The following ZNF560 variants were observed in gnomAD, a reference collection of about 807,000 sequenced individuals.
The protein encoded by ZNF560 is zinc finger protein 560.
A neutral mutation model predicts 81.8 loss-of-function variants in ZNF560; 54 were observed. That is an observed-to-expected ratio of 0.66 (90% CI 0.53 to 0.83). The LOEUF is 0.83. Among genes scored for constraint, ZNF560 ranks in the 40% least tolerant of loss-of-function variants. The pLI, the probability that ZNF560 is intolerant of heterozygous loss-of-function variation, is 0.00. For synonymous variants in ZNF560, 321 were observed against 317.9 expected (o/e 1.01, Z -0.10); for missense variants, 940 against 932.4 (o/e 1.01, Z -0.11).
Position 9,467,321 on chromosome 19 carries a change from T to C in ZNF560, c.1626A>G (p.Arg542=), listed in dbSNP as rs1363819177. 1 of 1,614,080 alleles carries C rather than the reference T, an allele frequency of 6.2e-7. No homozygotes were observed. Among genetic ancestry groups the C allele is most frequent in the South Asian group, 1.1e-5 (1 of 91,078 alleles). The change falls in exon 10 of 10, where the codon AGA becomes AGG. Residue 542 remains arginine, a synonymous_variant. Transcript: ENST00000301480. ...RIHMRTHTEE[R]LYQCKKCGKA... ...TACCACATTTCTTACATTGATAGAG[T>C]CTCTCTTCTGTGTGAGTTCGCATGT...
chr19:9,472,577 T>C (rs1389536572), intron 5 of ZNF560, among the ~76,000 whole-genome samples: 1 of 152,192 alleles, frequency 6.6e-6, no homozygotes, highest in African/African-American at 2.4e-5. Flanking sequence ...TGATGATCTG[T>C]CACTGTCTCC....
chr19:9,497,402 G>A (rs1351157900), intron 2 of ZNF560, among the ~76,000 whole-genome samples: 1 of 151,546 alleles, frequency 6.6e-6, no homozygotes, highest in Non-Finnish European at 1.5e-5. Flanking sequence ...GGGCACGGTG[G>A]CACACCCCTG....
intron 2 of ZNF560, among the ~76,000 whole-genome samples, chr19:9,487,213 C>G (rs1360337563): frequency 6.6e-6 from 1 of 152,194 alleles, no homozygotes; most frequent in African/African-American, 2.4e-5. Context: ...CTGCGAGGAC[C>G]ACCCTTTCTG....
intron 2 of ZNF560, among the ~76,000 whole-genome samples, chr19:9,476,400 C>T (rs1356616797): frequency 6.6e-6 from 1 of 152,104 alleles, no homozygotes; most frequent in African/African-American, 2.4e-5. Context: ...TCAAGCAATT[C>T]TCTTGCCTCA....
chr19:9,494,863 C>A (rs1301603863), intron 2 of ZNF560, among the ~76,000 whole-genome samples: 3 of 152,080 alleles, frequency 2.0e-5, no homozygotes, highest in Non-Finnish European at 2.9e-5. Flanking sequence ...GCCAAGGTCA[C>A]ACCACTGCAC....
the ZNF560 span, among the ~76,000 whole-genome samples, chr19:9,458,140 G>A: frequency 1.3e-5 from 2 of 152,158 alleles, no homozygotes; most frequent in African/African-American, 4.8e-5. Flanking sequence ...ACACGGATAT[G>A]ATCCTGGAAA....
chr19:9,481,938 G>A lies in ZNF560; in HGVS notation c.-56-6569C>T, dbSNP rs570685406. Among the ~76,000 whole-genome samples the A allele has an allele frequency of 2.6e-5, 4 of 152,266 alleles. No individual in the cohort carries two copies. The East Asian group carries it at 7.7e-4, about 29-fold the overall frequency. Reference sequence around the variant, plus strand: ...CCCATTACTGGGTATATACCCAAAGGATAATAAATCATGCTACTATAAAGA... The same window carrying A: ...CCCATTACTGGGTATATACCCAAAGAATAATAAATCATGCTACTATAAAGA... On this transcript the variant is annotated intron_variant, in intron 2 of 9. Transcript: ENST00000301480.
At chr19:9,451,930 G>T in the ZNF560 span, among the ~76,000 whole-genome samples, 2 of 152,092 alleles carry the variant, frequency 1.3e-5, no homozygotes, top group Non-Finnish European at 2.9e-5. Context: ...ACAAAAATTA[G>T]CTGGGCATGG....
rs2144682460 is a variant in ZNF560, at chr19:9,466,908, G to T, written c.2039C>A (p.Ala680Glu). ...VLTQHLKTHA[A>E]EKTSECNACG... ...TGCGTTACATTCAGAGGTCTTCTCT[G>T]CTGCATGAGTTTTTAAGTGTTGAGT... Residue 680 changes from alanine (A) to glutamate (E), a missense_variant, in exon 10 of 10, where the codon GCA becomes GAA. Ala to Glu is a moderately radical substitution (Grantham distance 107). Coordinates refer to ENST00000301480, the MANE Select transcript of ZNF560 (RefSeq NM_152476.3). 6.2e-7 allele frequency: 1 copy of T among 1,614,066 alleles called. No individual in the cohort carries two copies. Among genetic ancestry groups the T allele is most frequent in the Admixed American group, 1.7e-5 (1 of 60,020 alleles).
chr19:9,506,414 GTTTTTT>G, the ZNF560 span, among the ~76,000 whole-genome samples: 1 of 138,556 alleles, frequency 7.2e-6, no homozygotes, highest in Non-Finnish European at 1.6e-5. Flanking sequence ...CGCTTCTGTT[GTTTTTT>G]TTTTTTTTGC....
At chr19:9,446,439 C>T in the ZNF560 span, among the ~76,000 whole-genome samples, 852 of 151,600 alleles carry the variant, frequency 5.6e-3, 8 homozygotes, top group African/African-American at 0.02. Flanking sequence ...CTTGTTACTT[C>T]TGGTTTCTTT....
intron 2 of ZNF560, among the ~76,000 whole-genome samples, chr19:9,494,114 G>C (rs918267000): frequency 6.5e-5 from 9 of 138,932 alleles, no homozygotes; most frequent in African/African-American, 2.0e-4. Context: ...CTGGGCGAAA[G>C]AGTGAGACTC....
chr19:9,477,590 TTGCTCCTGCAAGAGGACAAAAAACA>T, intron 2 of ZNF560, among the ~76,000 whole-genome samples: 1 of 152,216 alleles, frequency 6.6e-6, no homozygotes. Context: ...GTTCTGCCCA[TTGCTCCTGCAAGAGGACAAAAAACA>T]TGCAGAGCAG....
rs569608088 is a variant in ZNF560, at chr19:9,492,937, G to A, written c.-57+5191C>T. 9.8e-4 allele frequency among the ~76,000 whole-genome samples: 149 copies of A among 152,284 alleles called. 2 individuals carry two copies. In the Middle Eastern group the frequency reaches 0.01, roughly 10 times the overall value. ...CTATTTATTTGGTCCCAATACACTG[G>A]AAAGTGAGATTAACATCTGGCCCTT... On this transcript the variant is annotated intron_variant, in intron 2 of 9. Coordinates refer to ENST00000301480, the MANE Select transcript of ZNF560 (RefSeq NM_152476.3).
At chr19:9,447,248 TAGA>T in the ZNF560 span, among the ~76,000 whole-genome samples, 1 of 152,232 alleles carries the variant, frequency 6.6e-6, no homozygotes, top group South Asian at 2.1e-4. Flanking sequence ...TGACACAGAT[TAGA>T]AGCACATTCT....
intron 2 of ZNF560, among the ~76,000 whole-genome samples, chr19:9,489,351 C>A (rs1170295658): frequency 3.9e-5 from 6 of 152,032 alleles, no homozygotes; most frequent in African/African-American, 1.4e-4. Context: ...TCGCTCCTCA[C>A]TTCCCAGACA....
intron 2 of ZNF560, among the ~76,000 whole-genome samples, chr19:9,476,799 A>G (rs1291121941): frequency 1.3e-5 from 2 of 152,068 alleles, no homozygotes; most frequent in East Asian, 1.9e-4. Context: ...AGTCTTATGT[A>G]TTTTTTCATA....
At chr19:9,501,452 G>A (rs529633835), upstream of ZNF560, among the ~76,000 whole-genome samples, 83 of 150,378 alleles carry the variant, frequency 5.5e-4, 1 homozygote, top group African/African-American at 1.6e-3. Context: ...TCCGCCTCCC[G>A]GGTTCAAGCG....
At chr19:9,493,285 T>A (rs2073501199) in intron 2 of ZNF560, among the ~76,000 whole-genome samples, 1 of 152,128 alleles carries the variant, frequency 6.6e-6, no homozygotes, top group Admixed American at 6.6e-5. Flanking sequence ...AAAATGTTCA[T>A]CGAAAAAGTA....
Sources: gnomAD v4.1 joint callset for allele counts (sites outside exome capture counted in the v4.1 genomes callset) on GRCh38, gnomAD v4.1.1 for gene constraint, MANE v1.5 for transcripts, NCBI Gene and HGNC (gene_info 2026-07-23, HGNC 2026-07-21) for gene names.